ITFG2: variants seen among roughly 807,000 people sequenced by gnomAD.
The protein encoded by ITFG2 is KICSTOR complex protein ITFG2.
In ITFG2, 36 loss-of-function variants were observed where a neutral mutation model predicts 54.4. The ratio of observed to expected loss-of-function variants is 0.66; its 90% CI spans 0.51 to 0.87. The LOEUF is 0.87. Ranked by LOEUF, ITFG2 falls within the 40% of genes least tolerant of loss-of-function variation. ITFG2 has a pLI of 0.00. For synonymous variants in ITFG2, 211 were observed against 225.4 expected (o/e 0.94, Z 0.57); for missense variants, 524 against 576.7 (o/e 0.91, Z 0.94).
At chr12:2,819,934 AAC>A in intron 4 of ITFG2, 150 bp from the exon 5 acceptor site, 1 of 946,836 alleles carries the variant, frequency 1.1e-6, no homozygotes, top group Non-Finnish European at 1.5e-6. Flanking sequence ...AGATGCCGCA[AAC>A]ACAGGCAGGG....
At chr12:2,820,924 G>C (rs1297387395) in intron 6 of ITFG2, 52 bp downstream of exon 6, 5 of 1,585,756 alleles carry the variant, frequency 3.2e-6, no homozygotes, top group Non-Finnish European at 4.3e-6. Context: ...AAGCAGGATG[G>C]GCTCCCAGAT....
rs1374762094 is a variant in ITFG2 at position 2,845,123 on chromosome 12, G to A, written n.300+4128G>A. On this transcript the variant is annotated intron_variant and non_coding_transcript_variant, in intron 2 of 3. Transcript: ENST00000537710. The surrounding 1 kb of genome is among the most constrained non-coding windows in gnomAD (Gnocchi z 4.2). ...AAGAGCAAATGTGTGCGGCTCGGTGGCAGCACAACTAAGGACAGGGCTCAG... is the reference window on the plus strand; with the variant it reads ...AAGAGCAAATGTGTGCGGCTCGGTGACAGCACAACTAAGGACAGGGCTCAG... Among the ~76,000 whole-genome samples the A allele has an allele frequency of 2.6e-5, 4 of 152,106 alleles. No individual in the cohort carries two copies. The highest frequency in any genetic ancestry group is 5.9e-5 in the Non-Finnish European group (4 of 68,024).
intron 1 of ITFG2, among the ~76,000 whole-genome samples, chr12:2,837,779 T>C (rs1285760357): frequency 3.3e-5 from 5 of 152,190 alleles, no homozygotes; most frequent in Non-Finnish European, 5.9e-5. Context: ...CAGTGAGCTA[T>C]GATGGCACCA....
chr12:2,826,190 C>G (rs373673432), downstream of ITFG2: 3 of 147,850 alleles, frequency 2.0e-5, no homozygotes, highest in African/African-American at 7.5e-5. Flanking sequence ...TGTCTCCTGA[C>G]AGACCCCAAA....
chr12:2,815,020 CT>C (rs1398312520), intron 1 of ITFG2, among the ~76,000 whole-genome samples: 2 of 151,358 alleles, frequency 1.3e-5, no homozygotes, highest in African/African-American at 4.9e-5. Context: ...ATTGTCCAGG[CT>C]GGAGTGCAGT....
At chr12:2,812,935 C>A in intron 1 of ITFG2, 79 bp downstream of exon 1, 1 of 1,241,772 alleles carries the variant, frequency 8.1e-7, no homozygotes, top group Non-Finnish European at 1.2e-6. Flanking sequence ...GCCGCCCGAG[C>A]GTGCCACGTG....
At chr12:2,842,564 C>T (rs533201356) in intron 2 of ITFG2, among the ~76,000 whole-genome samples, 1 of 151,990 alleles carries the variant, frequency 6.6e-6, no homozygotes, top group South Asian at 2.1e-4. Flanking sequence ...AGTGAGAGCT[C>T]GTCGCTACAA....
Position 2,820,815 on chromosome 12 carries a change from C to T in ITFG2, c.638C>T (p.Thr213Ile), listed in dbSNP as rs750207163. 2 of 1,614,032 alleles carry T rather than the reference C, an allele frequency of 1.2e-6. No homozygotes were observed. Among genetic ancestry groups the T allele is most frequent in the South Asian group, 2.2e-5 (2 of 91,084 alleles). Residue 213 changes from threonine (T) to isoleucine (I), a missense_variant, in exon 6 of 12, where the codon ACC becomes ATC. Transcript: ENST00000228799. ...TGTGCGTATGCAATTCTACTGTGTA[C>T]CTGGAAAAAGGACACTGGGTCCCCT... is the stretch of plus-strand genomic sequence containing the variant. ...PGCAYAILLC[T>I]WKKDTGSPPA...
At chr12:2,831,002 C>T, downstream of ITFG2, 1 of 754,388 alleles carries the variant, frequency 1.3e-6, no homozygotes, top group Non-Finnish European at 2.0e-6. Flanking sequence ...CCCTAGGGTC[C>T]CAGATAATGA....
At chr12:2,858,753 G>C (rs2098098559) in intron 3 of ITFG2, 1 of 1,614,120 alleles carries the variant, frequency 6.2e-7, no homozygotes, top group Non-Finnish European at 8.5e-7. Flanking sequence ...GTCATTCATT[G>C]TGTCCAGGAC....
chr12:2,845,148 G>A lies in ITFG2; in HGVS notation n.300+4153G>A, dbSNP rs2098050543. On this transcript the variant is annotated intron_variant and non_coding_transcript_variant, in intron 2 of 3. Transcript: ENST00000537710. This position sits in a 1 kb window ranked among gnomAD's most constrained non-coding sequence, Gnocchi z 4.2. ...GCAGCACAACTAAGGACAGGGCTCA[G>A]TGATGGAAAAGAGGCATGAAGACAA... Among the ~76,000 whole-genome samples, 1 of 152,166 alleles carries A rather than the reference G, an allele frequency of 6.6e-6. No individual in the cohort carries two copies. Among genetic ancestry groups the A allele is most frequent in the Admixed American group, 6.5e-5 (1 of 15,278 alleles).
upstream of ITFG2, chr12:2,835,573 G>C (rs191295024): frequency 2.4e-4 from 37 of 152,400 alleles, no homozygotes; most frequent in Non-Finnish European, 2.9e-4. Context: ...GGAATGACAG[G>C]AACAACTCTG....
intron 2 of ITFG2, among the ~76,000 whole-genome samples, chr12:2,844,531 A>C (rs1258343853): frequency 1.3e-5 from 2 of 152,208 alleles, no homozygotes; most frequent in Admixed American, 6.5e-5. Context: ...TCCAGCCTGG[A>C]CAGCAGAGCA....
chr12:2,834,996 G>A (rs1298754850), upstream of ITFG2: 25 of 1,543,666 alleles, frequency 1.6e-5, no homozygotes, highest in African/African-American at 2.7e-5. Context: ...AGGAGCAGCC[G>A]CGTCAGTCTC....
downstream of ITFG2, chr12:2,827,144 T>G: frequency 6.2e-7 from 1 of 1,609,922 alleles, no homozygotes. The surrounding 1 kb of genome is among the most constrained non-coding windows in gnomAD (Gnocchi z 4.0). Flanking sequence ...AGAGCCCCCG[T>G]TCCCCACACG....
At chr12:2,853,740 G>T (rs1169848477) in intron 2 of ITFG2, among the ~76,000 whole-genome samples, 1 of 151,836 alleles carries the variant, frequency 6.6e-6, no homozygotes, top group Non-Finnish European at 1.5e-5. Context: ...TCTTGCATGC[G>T]TAGTGCCTGG....
intron 1 of ITFG2, among the ~76,000 whole-genome samples, chr12:2,838,033 G>C (rs114048047): frequency 6.6e-6 from 1 of 152,086 alleles, no homozygotes; most frequent in African/African-American, 2.4e-5. Context: ...ACCCAGAGCC[G>C]AGCTTCATTT....
chr12:2,834,514 C>G (rs182662014), upstream of ITFG2: 251 of 1,335,094 alleles, frequency 1.9e-4, no homozygotes, highest in African/African-American at 1.6e-3. Context: ...TGACCTCTCC[C>G]CATCTCAGCA....
intron 4 of ITFG2, chr12:2,819,828 G>A (rs570775040): frequency 9.3e-6 from 3 of 323,852 alleles, no homozygotes; most frequent in South Asian, 2.1e-4. Context: ...AGATACGTGG[G>A]ATGAATTGGG....
Sources: gnomAD v4.1 joint callset for allele counts (sites outside exome capture counted in the v4.1 genomes callset) on GRCh38, gnomAD v4.1.1 for gene constraint, Gnocchi (gnomAD v3.1) non-coding constraint, MANE v1.5 for transcripts, NCBI Gene and HGNC (gene_info 2026-07-23, HGNC 2026-07-21) for gene names.